Variants in AFG2A observed in about 807,000 individuals in gnomAD.
AFG2A encodes ATPase family gene 2 protein homolog A.
At chr4:123,146,100 C>T in the AFG2A span, among the ~76,000 whole-genome samples, 1 of 151,966 alleles carries the variant, frequency 6.6e-6, no homozygotes, top group Non-Finnish European at 1.5e-5. Context: ...ATGCAAGAGG[C>T]CACTAAATAG....
chr4:123,164,370 T>C, the AFG2A span, among the ~76,000 whole-genome samples: 9 of 106,228 alleles, frequency 8.5e-5, no homozygotes, highest in Non-Finnish European at 2.2e-4. Context: ...TTTTGTTTTA[T>C]TTTTTGTTTT....
chr4:123,285,508 A>G, the AFG2A span, among the ~76,000 whole-genome samples: 4 of 152,148 alleles, frequency 2.6e-5, no homozygotes, highest in African/African-American at 9.7e-5. Flanking sequence ...TCCTTAATAC[A>G]GCCCACCCTA....
chr4:122,928,159 C>T, the AFG2A span, among the ~76,000 whole-genome samples: 803 of 152,196 alleles, frequency 5.3e-3, 7 homozygotes, highest in African/African-American at 0.018. Flanking sequence ...TTGCCTCCGG[C>T]GATAGTGACA....
chr4:123,210,827 C>A, the AFG2A span, among the ~76,000 whole-genome samples: 1 of 151,822 alleles, frequency 6.6e-6, no homozygotes, highest in Non-Finnish European at 1.5e-5. Flanking sequence ...GAAAAAGGGA[C>A]CCCTTTTTTC....
the AFG2A span, among the ~76,000 whole-genome samples, chr4:123,217,331 G>A: frequency 6.6e-6 from 1 of 152,114 alleles, no homozygotes; most frequent in Admixed American, 6.6e-5. Flanking sequence ...AAGGTGGAGG[G>A]AAACCAAGAT....
chr4:123,305,381 G>T, the AFG2A span, among the ~76,000 whole-genome samples: 2 of 152,300 alleles, frequency 1.3e-5, no homozygotes, highest in South Asian at 2.1e-4. Flanking sequence ...TCCCACGCCT[G>T]TGTGCCACTC....
chr4:123,026,159 G>A, the AFG2A span, among the ~76,000 whole-genome samples: 1 of 151,728 alleles, frequency 6.6e-6, no homozygotes, highest in Non-Finnish European at 1.5e-5. Context: ...CTGTCTGTCT[G>A]GAGGAGAATT....
the AFG2A span, among the ~76,000 whole-genome samples, chr4:123,098,977 A>G: frequency 1.7e-3 from 254 of 152,088 alleles, no homozygotes; most frequent in African/African-American, 5.7e-3. Flanking sequence ...TTATGTTCCT[A>G]CCAACAGTGT....
the AFG2A span, among the ~76,000 whole-genome samples, chr4:123,016,697 GCTC>G: frequency 3.3e-5 from 5 of 151,284 alleles, no homozygotes; most frequent in East Asian, 9.9e-4. Context: ...AGGCAGAGAC[GCTC>G]CTCACTTCCC....
chr4:123,168,971 A>G, the AFG2A span, among the ~76,000 whole-genome samples: 1 of 152,200 alleles, frequency 6.6e-6, no homozygotes, highest in Non-Finnish European at 1.5e-5. Context: ...CATTCCTTAG[A>G]TGTCAGCCTG....
At chr4:123,097,768 G>A in the AFG2A span, among the ~76,000 whole-genome samples, 3 of 152,258 alleles carry the variant, frequency 2.0e-5, no homozygotes, top group African/African-American at 7.2e-5. Context: ...GTATGCATAT[G>A]TGGGTCTTAC....
chr4:123,076,479 G>C, the AFG2A span, among the ~76,000 whole-genome samples: 1 of 151,806 alleles, frequency 6.6e-6, no homozygotes, highest in Non-Finnish European at 1.5e-5. Context: ...ATTCATCCTA[G>C]GGTTTAAGAT....
chr4:123,002,015 T>G, the AFG2A span, among the ~76,000 whole-genome samples: 1 of 152,230 alleles, frequency 6.6e-6, no homozygotes, highest in South Asian at 2.1e-4. Context: ...ATATTTAGGA[T>G]AGTTAGCTCT....
the AFG2A span, among the ~76,000 whole-genome samples, chr4:123,069,280 GC>G: frequency 5.3e-5 from 8 of 152,122 alleles, no homozygotes; most frequent in Non-Finnish European, 1.0e-4. Flanking sequence ...TGCACAAAAG[GC>G]CATTCAGTCA....
the AFG2A span, among the ~76,000 whole-genome samples, chr4:122,962,072 A>G: frequency 2.6e-5 from 4 of 152,214 alleles, no homozygotes; most frequent in African/African-American, 7.2e-5. Flanking sequence ...TAAGGAGCAG[A>G]CAACCTATTT....
the AFG2A span, among the ~76,000 whole-genome samples, chr4:123,076,830 G>A: frequency 6.6e-6 from 1 of 151,944 alleles, no homozygotes; most frequent in African/African-American, 2.4e-5. Flanking sequence ...ACTATCTACT[G>A]AGCTCAGGTC....
the AFG2A span, chr4:123,256,765 CTG>C: frequency 1.0e-6 from 1 of 985,200 alleles, no homozygotes; most frequent in Non-Finnish European, 1.2e-6. Flanking sequence ...AGCAAGACCT[CTG>C]TGAAAATATG....
chr4:123,299,820 A>C, the AFG2A span, among the ~76,000 whole-genome samples: 1 of 152,228 alleles, frequency 6.6e-6, no homozygotes, highest in South Asian at 2.1e-4. Context: ...ATCCTTTAAA[A>C]ATTCACCATT....
At chr4:123,170,575 C>T in the AFG2A span, among the ~76,000 whole-genome samples, 2 of 152,044 alleles carry the variant, frequency 1.3e-5, no homozygotes, top group Admixed American at 6.5e-5. Flanking sequence ...CTTTTGGTAA[C>T]ACTAAAGGTA....
Sources: gnomAD v4.1 joint callset for allele counts (sites outside exome capture counted in the v4.1 genomes callset) on GRCh38, gnomAD v4.1.1 for gene constraint, MANE v1.5 for transcripts, NCBI Gene and HGNC (gene_info 2026-07-23, HGNC 2026-07-21) for gene names.